SLC30A8: variants seen among roughly 807,000 people sequenced by gnomAD.
The protein encoded by SLC30A8 is solute carrier family 30 member 8.
SLC30A8 carries 27 observed loss-of-function variants against 36.9 expected under a neutral mutation model. The observed-to-expected ratio is 0.73, with a 90% CI of 0.54 to 1.01. The LOEUF (loss-of-function observed/expected upper bound fraction) is 1.01. SLC30A8 is among the 50% of genes least tolerant of loss of function. The pLI is 0.00. For synonymous variants in SLC30A8, 164 were observed against 172.4 expected (o/e 0.95, Z 0.38); for missense variants, 439 against 452.0 (o/e 0.97, Z 0.26).
At chr8:116,958,326 A>G (rs994146103) in intron 1 of SLC30A8, among the ~76,000 whole-genome samples, 6 of 127,966 alleles carry the variant, frequency 4.7e-5, no homozygotes, top group Non-Finnish European at 1.0e-4. Flanking sequence ...TAATGCCTGA[A>G]TTATTTCCTT....
At chr8:116,976,648 G>A (rs182659859) in intron 1 of SLC30A8, among the ~76,000 whole-genome samples, 1 of 152,198 alleles carries the variant, frequency 6.6e-6, no homozygotes, top group Admixed American at 6.5e-5. Flanking sequence ...GCAAAGCCAG[G>A]AGCGCAGAGG....
intron 6 of SLC30A8, 24 bp downstream of exon 6, chr8:117,163,554 C>T (rs956361573): frequency 1.3e-6 from 2 of 1,536,810 alleles, no homozygotes; most frequent in African/African-American, 2.7e-5. Flanking sequence ...TATTATTACT[C>T]CCAGAGTCAG....
chr8:117,122,433 A>G (rs945858838), intron 2 of SLC30A8, among the ~76,000 whole-genome samples: 1 of 152,034 alleles, frequency 6.6e-6, no homozygotes, highest in African/African-American at 2.4e-5. Context: ...TCACTTTCCC[A>G]AAGTTATCTA....
chr8:117,004,104 T>A (rs908121728), intron 1 of SLC30A8, among the ~76,000 whole-genome samples: 2 of 152,204 alleles, frequency 1.3e-5, no homozygotes, highest in Admixed American at 6.5e-5. Context: ...CAGCACCTCA[T>A]TGTCCAGTCC....
intron 1 of SLC30A8, among the ~76,000 whole-genome samples, chr8:117,004,193 A>G (rs1468819340): frequency 6.6e-6 from 1 of 152,204 alleles, no homozygotes; most frequent in Non-Finnish European, 1.5e-5. Flanking sequence ...TTTAATCTGC[A>G]CATGTTCTCA....
intron 1 of SLC30A8, among the ~76,000 whole-genome samples, chr8:116,987,434 A>G (rs1191893959): frequency 1.3e-5 from 2 of 151,694 alleles, no homozygotes; most frequent in Non-Finnish European, 2.9e-5. Flanking sequence ...TAAAAGTATA[A>G]TAAAATAAAA....
At chr8:117,054,959 A>G (rs1237224137) in intron 2 of SLC30A8, among the ~76,000 whole-genome samples, 1 of 152,176 alleles carries the variant, frequency 6.6e-6, no homozygotes, top group Admixed American at 6.5e-5. Context: ...TCTAGTGTAA[A>G]AAGGGCAGAC....
At chr8:117,083,039 C>A (rs566962828) in intron 2 of SLC30A8, among the ~76,000 whole-genome samples, 3 of 152,148 alleles carry the variant, frequency 2.0e-5, no homozygotes, top group African/African-American at 7.2e-5. Flanking sequence ...CGAGTAGCTC[C>A]GGAGGGACAT....
chr8:117,118,192 A>AAAC (rs1491410528), intron 2 of SLC30A8, among the ~76,000 whole-genome samples: 10 of 150,840 alleles, frequency 6.6e-5, no homozygotes, highest in Admixed American at 3.3e-4. Context: ...AAAAAAAAAA[A>AAAC]ACCAAAAAAC....
At chr8:117,000,556 A>G (rs1815977550) in intron 1 of SLC30A8, among the ~76,000 whole-genome samples, 1 of 152,242 alleles carries the variant, frequency 6.6e-6, no homozygotes, top group Admixed American at 6.5e-5. Flanking sequence ...TGTTGACTTG[A>G]AAAGTGAAAA....
chr8:117,053,075 G>A (rs1413333175), intron 2 of SLC30A8, among the ~76,000 whole-genome samples: 1 of 151,850 alleles, frequency 6.6e-6, no homozygotes, highest in East Asian at 1.9e-4. Context: ...CACCATGCCC[G>A]GCTAAGTTTT....
intron 2 of SLC30A8, among the ~76,000 whole-genome samples, chr8:117,150,806 C>T (rs1423529658): frequency 6.6e-6 from 1 of 152,008 alleles, no homozygotes; most frequent in Non-Finnish European, 1.5e-5. Context: ...GGGGTTTCAC[C>T]GTGTTAGCCA....
At chr8:116,993,080 T>C (rs573191165) in intron 1 of SLC30A8, among the ~76,000 whole-genome samples, 1 of 152,260 alleles carries the variant, frequency 6.6e-6, no homozygotes, top group East Asian at 1.9e-4. Context: ...TGTCAAAATC[T>C]GAATAGATAA....
chr8:116,993,863 A>C (rs1022987264), intron 1 of SLC30A8, among the ~76,000 whole-genome samples: 1 of 151,944 alleles, frequency 6.6e-6, no homozygotes, highest in African/African-American at 2.4e-5. Context: ...TAAAGAATGC[A>C]AGCAAGAGGC....
chr8:117,052,310 C>G (rs1303964422), intron 2 of SLC30A8, among the ~76,000 whole-genome samples: 1 of 152,172 alleles, frequency 6.6e-6, no homozygotes, highest in Admixed American at 6.5e-5. Flanking sequence ...TGCGCCCAGC[C>G]AAGCCTTTAT....
chr8:116,954,155 A>G (rs73701615), intron 1 of SLC30A8, among the ~76,000 whole-genome samples: 2,254 of 152,276 alleles, frequency 0.015, 64 homozygotes, highest in African/African-American at 0.051. Context: ...TAATGCCCTC[A>G]TTTTTAGCAT....
intron 2 of SLC30A8, among the ~76,000 whole-genome samples, chr8:117,126,545 C>G (rs1457621024): frequency 6.7e-6 from 1 of 149,588 alleles, no homozygotes; most frequent in Non-Finnish European, 1.5e-5. Context: ...CATCCACCAA[C>G]CCATCCATCC....
chr8:117,000,038 C>T lies in SLC30A8; in HGVS notation c.-265-39181C>T, dbSNP rs147568094. On this transcript the variant is annotated intron_variant, in intron 1 of 10. Transcript: ENST00000427715. ...AGTGGAAAATCTGGTCCTTTGAGGA[C>T]GTGCTTCCACTTACAGTAGAAGGAG... 1.7e-3 allele frequency among the ~76,000 whole-genome samples: 258 copies of T among 152,230 alleles called. 2 individuals are homozygous for T. The highest frequency in any genetic ancestry group is 5.6e-3 in the African/African-American group (232 of 41,534).
At chr8:116,995,575 C>A (rs1307559949) in intron 1 of SLC30A8, among the ~76,000 whole-genome samples, 1 of 152,014 alleles carries the variant, frequency 6.6e-6, no homozygotes, top group East Asian at 1.9e-4. Flanking sequence ...CTTGTATGAG[C>A]TACTGCAGCT....
Sources: gnomAD v4.1 joint callset for allele counts (sites outside exome capture counted in the v4.1 genomes callset) on GRCh38, gnomAD v4.1.1 for gene constraint, MANE v1.5 for transcripts, NCBI Gene and HGNC (gene_info 2026-07-23, HGNC 2026-07-21) for gene names.